SORL1: variants seen among roughly 807,000 people sequenced by gnomAD.
SORL1 encodes sortilin related receptor 1.
In SORL1, 127 loss-of-function variants were observed where a neutral mutation model predicts 273.7. The ratio of observed to expected loss-of-function variants is 0.46; its 90% confidence interval spans 0.40 to 0.54. The LOEUF is 0.54. Among genes scored for constraint, SORL1 ranks in the 20% least tolerant of loss-of-function variants. The pLI is 0.00. For missense variants in SORL1, 2,494 were observed against 2,846.1 expected, an observed-to-expected ratio of 0.88 and a Z score of 2.81; for synonymous variants, 1,031 against 1,067.4, an observed-to-expected ratio of 0.97 and a Z score of 0.66.
intron 6 of SORL1, among the ~76,000 whole-genome samples, chr11:121,507,735 A>G (rs918771655): frequency 6.6e-6 from 1 of 151,866 alleles, no homozygotes; most frequent in Admixed American, 6.6e-5. Context: ...ATAATAGCTT[A>G]TTTAATTTTT....
chr11:121,603,167 A>G (rs1565351220), intron 32 of SORL1, among the ~76,000 whole-genome samples: 1 of 152,224 alleles, frequency 6.6e-6, no homozygotes, highest in Non-Finnish European at 1.5e-5. Context: ...TTTGTTACAT[A>G]AGGTAACATA....
At chr11:121,628,208 T>C (rs1591360228) in intron 47 of SORL1, among the ~76,000 whole-genome samples, 1 of 152,220 alleles carries the variant, frequency 6.6e-6, no homozygotes, top group East Asian at 1.9e-4. Context: ...TAGTGTAACC[T>C]CACCAGCCAT....
In SORL1 at chr11:121,632,957, AG is replaced by A. The variant is rs1863894769; in HGVS notation, c.*3396del. 1 of 152,208 alleles carries A rather than the reference AG, an allele frequency of 6.6e-6. No individual in the cohort carries two copies. The highest frequency in any genetic ancestry group is 1.5e-5 in the Non-Finnish European group (1 of 68,036). The allele number at this position is 152,208 out of a possible 1,614,324, so 9.4% of individuals were successfully genotyped here. A position where few individuals can be genotyped will look rare whatever the true frequency, so the allele number is the denominator to read the frequency against. ...CTGAATATCATCCCATATTGATTTT[AG>A]GAATTGACTCTAAAACTCTGTGCAG... On this transcript the variant is annotated 3_prime_UTR_variant, in exon 48 of 48. Coordinates refer to ENST00000260197, the MANE Select transcript of SORL1 (RefSeq NM_003105.6).
intron 45 of SORL1, among the ~76,000 whole-genome samples, chr11:121,622,713 A>C (rs1863740824): frequency 6.6e-6 from 1 of 152,266 alleles, no homozygotes; most frequent in African/African-American, 2.4e-5. Context: ...TACAGGGAGC[A>C]GGAGGCACTT....
At position 121,543,569 on chromosome 11, in the gene SORL1, G is replaced by A. The variant is rs1206945197; in HGVS notation, c.1707G>A (p.Glu569=). ...NELKYSTNEG[E]TWKTFIFSEK... ...GCAGATACAGTACCAATGAAGGGGA[G>A]ACCTGGAAAACATTCATCTTCTCTG... The change falls in exon 13 of 48, where the codon GAG becomes GAA. Residue 569 remains glutamate (E), a synonymous_variant. Transcript: ENST00000260197. The A allele has an allele frequency of 6.2e-7, 1 of 1,613,976 alleles. No individual in the cohort carries two copies.
chr11:121,454,063 T>C (rs1032820677), intron 1 of SORL1, among the ~76,000 whole-genome samples: 1 of 152,248 alleles, frequency 6.6e-6, no homozygotes, highest in East Asian at 1.9e-4. Flanking sequence ...GCTCAGTTCC[T>C]CTTGGGCCCA....
At chr11:121,496,175 G>GT (rs1241049714) in intron 5 of SORL1, among the ~76,000 whole-genome samples, 5 of 152,228 alleles carry the variant, frequency 3.3e-5, no homozygotes, top group African/African-American at 1.2e-4. Context: ...ACAGAGGAGA[G>GT]TAGGAATTGG....
intron 40 of SORL1, among the ~76,000 whole-genome samples, chr11:121,613,452 C>T (rs1863596307): frequency 6.6e-6 from 1 of 152,216 alleles, no homozygotes; most frequent in African/African-American, 2.4e-5. Context: ...CTGTCTCCTC[C>T]TTCTAGGCTG....
At chr11:121,468,365 G>A (rs1298047690) in intron 1 of SORL1, among the ~76,000 whole-genome samples, 1 of 152,156 alleles carries the variant, frequency 6.6e-6, no homozygotes, top group East Asian at 1.9e-4. Flanking sequence ...CAGCAAGAGA[G>A]GCAGCCTGTG....
chr11:121,514,269 G>A lies in SORL1; in HGVS notation c.1159G>A (p.Glu387Lys), dbSNP rs1449365025. The change falls in exon 8 of 48, where the codon GAG (glutamate) becomes AAG (lysine). Residue 387 changes from glutamate to lysine, a missense_variant. By Grantham distance (56) the Glu-to-Lys change is moderately conservative (BLOSUM62 1). Coordinates refer to ENST00000260197, the MANE Select transcript of SORL1 (RefSeq NM_003105.6). Reference protein sequence around the residue: ...AEGLKFSLSLENVLYYSPGGA... With the variant: ...AEGLKFSLSLKNVLYYSPGGA... ...GGGGCTGAAGTTCTCCCTGTCCTTG[G>A]AGAACGTGCTCTATTACAGCCCAGG... 6.2e-7 allele frequency: 1 copy of A among 1,614,206 alleles called. No individual in the cohort carries two copies. The highest frequency in any genetic ancestry group is 1.3e-5 in the African/African-American group (1 of 75,048).
intron 25 of SORL1, among the ~76,000 whole-genome samples, chr11:121,578,337 A>G (rs1247219137): frequency 6.6e-6 from 1 of 152,230 alleles, no homozygotes; most frequent in Admixed American, 6.5e-5. Context: ...GAAGCCAGCT[A>G]TTAATCTTGT....
At chr11:121,465,522 G>T (rs1177094588) in intron 1 of SORL1, among the ~76,000 whole-genome samples, 2 of 151,908 alleles carry the variant, frequency 1.3e-5, no homozygotes, top group Non-Finnish European at 2.9e-5. Flanking sequence ...CTGGGGTTGG[G>T]GTGTGTCTCC....
chr11:121,488,085 C>T lies in SORL1; in HGVS notation c.582C>T (p.Cys194=), dbSNP rs1861501456. ...ACCTCTGGATCACGTTTGACTTCTGCAACACTCTTCAAGGCTTTTCCATCC... is the reference window on the plus strand; with the variant it reads ...ACCTCTGGATCACGTTTGACTTCTGTAACACTCTTCAAGGCTTTTCCATCC... ...AQYLWITFDF[C]NTLQGFSIPF... Residue 194 remains cysteine (C), a synonymous_variant, in exon 4 of 48, where the codon TGC becomes TGT. Coordinates refer to ENST00000260197, the MANE Select transcript of SORL1 (RefSeq NM_003105.6). 1 of 1,614,196 alleles carries T rather than the reference C, an allele frequency of 6.2e-7. No homozygotes were observed. Among genetic ancestry groups the T allele is most frequent in the South Asian group, 1.1e-5 (1 of 91,078 alleles).
intron 23 of SORL1, among the ~76,000 whole-genome samples, chr11:121,571,226 G>C (rs112985077): frequency 6.6e-6 from 1 of 152,272 alleles, no homozygotes; most frequent in Non-Finnish European, 1.5e-5. Flanking sequence ...TCTGGAGAGT[G>C]TCTGGGGTGA....
chr11:121,586,402 A>G, intron 27 of SORL1, 73 bp downstream of exon 27: 1 of 1,138,240 alleles, frequency 8.8e-7, no homozygotes, highest in South Asian at 1.2e-5. Flanking sequence ...ATTGGACTAA[A>G]TCCTTTCATT....
intron 1 of SORL1, 54 bp from the exon 2 acceptor site, chr11:121,469,953 T>C: frequency 2.8e-6 from 3 of 1,084,616 alleles, no homozygotes; most frequent in Non-Finnish European, 4.3e-6. Context: ...TGATTTAGAA[T>C]GTGTGTGGCC....
chr11:121,623,393 C>T (rs927919387), intron 45 of SORL1, among the ~76,000 whole-genome samples: 9 of 152,168 alleles, frequency 5.9e-5, no homozygotes, highest in African/African-American at 2.2e-4. Context: ...TGAAAGTGTT[C>T]ACACCCATTG....
chr11:121,500,089 G>A (rs574637530), intron 6 of SORL1, among the ~76,000 whole-genome samples: 19 of 152,278 alleles, frequency 1.2e-4, no homozygotes, highest in Non-Finnish European at 2.4e-4. Context: ...TTGACATGAA[G>A]TTCACTTATT....
At chr11:121,582,809 C>G (rs907046542) in intron 25 of SORL1, among the ~76,000 whole-genome samples, 2 of 152,134 alleles carry the variant, frequency 1.3e-5, no homozygotes, top group African/African-American at 4.8e-5. Flanking sequence ...TTGGATGACT[C>G]TTTTATATTC....
Sources: gnomAD v4.1 joint callset for allele counts (sites outside exome capture counted in the v4.1 genomes callset) on GRCh38, gnomAD v4.1.1 for gene constraint, MANE v1.5 for transcripts, NCBI Gene and HGNC (gene_info 2026-07-23, HGNC 2026-07-21) for gene names.